TPO: variants seen among roughly 807,000 people sequenced by gnomAD.
The protein encoded by TPO is thyroid microsomal antigen.
TPO carries 78 observed loss-of-function variants against 96.9 expected under a neutral mutation model. The ratio of observed to expected loss-of-function variants is 0.81; its 90% CI spans 0.67 to 0.97. The LOEUF (loss-of-function observed/expected upper bound fraction) is 0.97, where lower values mean the gene tolerates loss of function less well. TPO is among the 50% of genes least tolerant of loss of function. TPO has a pLI of 0.00. For synonymous variants in TPO, 547 were observed against 538.0 expected, an observed-to-expected ratio of 1.02 and a Z score of -0.23; for missense variants, 1,252 against 1,274.8, an observed-to-expected ratio of 0.98 and a Z score of 0.27.
intron 3 of TPO, 141 bp from the exon 4 acceptor site, chr2:1,433,297 C>T: frequency 9.6e-7 from 1 of 1,040,036 alleles, no homozygotes; most frequent in East Asian, 2.6e-5. Flanking sequence ...ACATGTTTTA[C>T]CTGTGCACAC....
At chr2:1,528,623 C>T (rs1573577736) in intron 15 of TPO, among the ~76,000 whole-genome samples, 2 of 145,666 alleles carry the variant, frequency 1.4e-5, no homozygotes, top group African/African-American at 5.2e-5. Flanking sequence ...TGAAACCTCC[C>T]CAAATCCCCC....
intron 15 of TPO, among the ~76,000 whole-genome samples, chr2:1,530,611 G>C (rs1427520310): frequency 1.6e-5 from 1 of 62,746 alleles, no homozygotes; most frequent in East Asian, 5.0e-4. Flanking sequence ...CCCACACTCT[G>C]TGCAACCTCC....
In TPO at chr2:1,493,183, T is replaced by C. The variant is rs573490896; in HGVS notation, c.1769-619T>C. On this transcript the variant is annotated intron_variant, in intron 10 of 16. Transcript: ENST00000329066. ...AGATGAGTGGCCAGACAGATAAAGA[T>C]ATTTGTGTGTGTGTGTGTGAGTGGG... is the stretch of plus-strand genomic sequence containing the variant. Among the ~76,000 whole-genome samples, 142 of 108,154 alleles carry C rather than the reference T, an allele frequency of 1.3e-3. 1 individual carries two copies. The highest frequency in any genetic ancestry group is 5.0e-3 in the African/African-American group (138 of 27,868). 71.0% of individuals were successfully genotyped at this position (108,154 alleles called of 152,430 possible).
At chr2:1,499,160 A>C (rs1389323833) in intron 13 of TPO, among the ~76,000 whole-genome samples, 4 of 152,068 alleles carry the variant, frequency 2.6e-5, no homozygotes, top group Admixed American at 6.6e-5. Flanking sequence ...TCAGGAAGGG[A>C]GACTGCTGGA....
At chr2:1,398,774 C>T (rs1228972012) in intron 1 of TPO, among the ~76,000 whole-genome samples, 1 of 152,202 alleles carries the variant, frequency 6.6e-6, no homozygotes, top group Non-Finnish European at 1.5e-5. Context: ...GGCCAAGGCT[C>T]TCCTTGCAGC....
chr2:1,460,973 C>T (rs568372345), intron 7 of TPO, among the ~76,000 whole-genome samples: 2 of 152,282 alleles, frequency 1.3e-5, no homozygotes, highest in Admixed American at 6.5e-5. Context: ...TGAAAAGCAG[C>T]CTTGGAAGAA....
chr2:1,376,335 T>C (rs569851968), intron 1 of TPO, among the ~76,000 whole-genome samples: 1 of 152,228 alleles, frequency 6.6e-6, no homozygotes, highest in Non-Finnish European at 1.5e-5. Flanking sequence ...TTTTGCTCTT[T>C]TAAACAATGG....
chr2:1,422,384 G>A (rs192057053), intron 2 of TPO, among the ~76,000 whole-genome samples: 43 of 113,714 alleles, frequency 3.8e-4, no homozygotes, highest in African/African-American at 1.6e-3. Flanking sequence ...CCTCGTGCAG[G>A]CGCCGCGCTG....
chr2:1,422,393 TGGG>T (rs1663829763), intron 2 of TPO, among the ~76,000 whole-genome samples: 1 of 50,822 alleles, frequency 2.0e-5, no homozygotes, highest in African/African-American at 1.2e-4. Context: ...GGCGCCGCGC[TGGG>T]CCATGGGGAG....
intron 7 of TPO, among the ~76,000 whole-genome samples, chr2:1,460,873 T>G (rs1668362341): frequency 6.6e-6 from 1 of 151,886 alleles, no homozygotes; most frequent in Admixed American, 6.6e-5. Context: ...ACCTTTGGGC[T>G]CCCCTGGAGC....
chr2:1,410,463 C>T (rs1160867152), upstream of TPO, among the ~76,000 whole-genome samples: 3 of 152,184 alleles, frequency 2.0e-5, no homozygotes, highest in Non-Finnish European at 4.4e-5. Flanking sequence ...GGTCCTGGGC[C>T]TCGGTTAGGG....
intron 5 of TPO, among the ~76,000 whole-genome samples, chr2:1,451,688 C>T (rs562304378): frequency 5.3e-4 from 80 of 152,288 alleles, no homozygotes; most frequent in African/African-American, 1.7e-3. Context: ...TGTTCCCACA[C>T]GGGCGTGACT....
chr2:1,494,312 C>T (rs1377512248), intron 11 of TPO, among the ~76,000 whole-genome samples: 1 of 152,260 alleles, frequency 6.6e-6, no homozygotes, highest in Non-Finnish European at 1.5e-5. Flanking sequence ...AGGCACCTAA[C>T]TAAACAAATT....
intron 14 of TPO, among the ~76,000 whole-genome samples, chr2:1,505,824 A>C (rs181510433): frequency 4.8e-5 from 7 of 145,580 alleles, no homozygotes; most frequent in Non-Finnish European, 7.5e-5. Flanking sequence ...GTTGCGGAGA[A>C]ATTCTTGTGG....
chr2:1,460,075 A>T (rs1044319960), intron 7 of TPO, among the ~76,000 whole-genome samples: 18 of 151,846 alleles, frequency 1.2e-4, no homozygotes, highest in African/African-American at 4.4e-4. Flanking sequence ...AGCTGGGACT[A>T]CAGGCATGCG....
chr2:1,411,526 T>C (rs1162311216), upstream of TPO, among the ~76,000 whole-genome samples: 1 of 152,266 alleles, frequency 6.6e-6, no homozygotes, highest in African/African-American at 2.4e-5. Context: ...TGCCCCACGC[T>C]GTCTCATTTT....
At chr2:1,465,572 T>C in intron 7 of TPO, among the ~76,000 whole-genome samples, 1 of 152,190 alleles carries the variant, frequency 6.6e-6, no homozygotes, top group East Asian at 1.9e-4. Flanking sequence ...CTGTGGTTTT[T>C]TTCAGCAGTG....
At chr2:1,454,128 T>C (rs938503911) in intron 6 of TPO, among the ~76,000 whole-genome samples, 2 of 152,186 alleles carry the variant, frequency 1.3e-5, no homozygotes, top group African/African-American at 2.4e-5. Context: ...TTATCCATCA[T>C]GTGGGCTAGG....
chr2:1,460,722 G>C (rs556119634), intron 7 of TPO, among the ~76,000 whole-genome samples: 32 of 152,170 alleles, frequency 2.1e-4, no homozygotes, highest in Admixed American at 1.2e-3. Context: ...ACCTCTGAGA[G>C]GGATGTGGGG....
Sources: allele counts gnomAD v4.1 joint callset (sites outside exome capture counted in the v4.1 genomes callset), GRCh38; gene constraint gnomAD v4.1.1; transcripts MANE v1.5; gene names NCBI Gene and HGNC (gene_info 2026-07-23, HGNC 2026-07-21).